The following AKAP13 variants were observed in gnomAD, a reference collection of about 807,000 sequenced individuals.
AKAP13 encodes the protein A-kinase anchor protein 13.
Under a neutral mutation model 264.5 loss-of-function variants are expected in AKAP13, and 80 were observed. The ratio of observed to expected loss-of-function variants is 0.30; its 90% CI spans 0.25 to 0.36. The LOEUF (loss-of-function observed/expected upper bound fraction) is 0.36. Among genes scored for constraint, AKAP13 ranks in the 10% least tolerant of loss-of-function variants. The pLI is 1.00. For missense variants in AKAP13, 3,712 were observed against 3,435.2 expected (o/e 1.08, Z -2.01); for synonymous variants, 1,380 against 1,250.2 (o/e 1.10, Z -2.19).
intron 12 of AKAP13, among the ~76,000 whole-genome samples, chr15:85,660,221 C>T (rs1190543769): frequency 6.6e-6 from 1 of 151,944 alleles, no homozygotes; most frequent in African/African-American, 2.4e-5. Context: ...GGTGTGGTGG[C>T]ATGCACCTGT....
intron 1 of AKAP13, among the ~76,000 whole-genome samples, chr15:85,400,064 G>T (rs1053310626): frequency 6.6e-6 from 1 of 152,148 alleles, no homozygotes; most frequent in Admixed American, 6.5e-5. Context: ...TTCCCAAAGT[G>T]CTGGGATTAC....
chr15:85,402,587 C>G (rs556976584), intron 1 of AKAP13, among the ~76,000 whole-genome samples: 6 of 152,236 alleles, frequency 3.9e-5, no homozygotes, highest in Admixed American at 6.5e-5. Flanking sequence ...TTTAGCTCTC[C>G]GGGAGCTTGG....
chr15:85,590,601 T>A (rs949445819), intron 8 of AKAP13, among the ~76,000 whole-genome samples: 6 of 152,382 alleles, frequency 3.9e-5, no homozygotes, highest in Non-Finnish European at 5.9e-5. Flanking sequence ...TGCTGCAGAT[T>A]TCTTGATAGT....
At chr15:85,448,015 C>G (rs1302221422) in intron 1 of AKAP13, among the ~76,000 whole-genome samples, 1 of 152,170 alleles carries the variant, frequency 6.6e-6, no homozygotes, top group Non-Finnish European at 1.5e-5. Flanking sequence ...CTTTTCCCTG[C>G]AACCTTGCCA....
chr15:85,627,185 C>G (rs2081448450), intron 8 of AKAP13, among the ~76,000 whole-genome samples: 1 of 152,158 alleles, frequency 6.6e-6, no homozygotes, highest in Non-Finnish European at 1.5e-5. Context: ...ACAAATGAAG[C>G]TAGCGCCAGC....
At chr15:85,734,033 G>T (rs1323302273) in intron 30 of AKAP13, among the ~76,000 whole-genome samples, 2 of 151,424 alleles carry the variant, frequency 1.3e-5, no homozygotes, top group Non-Finnish European at 2.9e-5. Flanking sequence ...GTAAAGACGG[G>T]GTTTCTCCAT....
chr15:85,524,746 G>T (rs2076958918), intron 3 of AKAP13, among the ~76,000 whole-genome samples: 1 of 151,954 alleles, frequency 6.6e-6, no homozygotes, highest in Non-Finnish European at 1.5e-5. Flanking sequence ...TATTGAAATT[G>T]CAGGCCCATC....
chr15:85,408,154 A>G (rs8037726), intron 1 of AKAP13, among the ~76,000 whole-genome samples: 116,904 of 151,468 alleles, frequency 0.77, 45,716 homozygotes, highest in African/African-American at 0.8. Context: ...TAATGTTTAC[A>G]TTTGGCTTAG....
At chr15:85,538,581 C>G (rs1272406282) in intron 4 of AKAP13, among the ~76,000 whole-genome samples, 1 of 150,850 alleles carries the variant, frequency 6.6e-6, no homozygotes, top group African/African-American at 2.4e-5. Flanking sequence ...GCTCCGCCTC[C>G]CAGGTTCATG....
chr15:85,468,271 G>A (rs987750346), intron 1 of AKAP13, among the ~76,000 whole-genome samples: 19 of 152,244 alleles, frequency 1.2e-4, no homozygotes, highest in African/African-American at 4.1e-4. Flanking sequence ...TCTTATGGTT[G>A]ATGCCCCTTT....
At chr15:85,619,481 A>T (rs2081081170) in intron 8 of AKAP13, 1 of 985,192 alleles carries the variant, frequency 1.0e-6, no homozygotes, top group African/African-American at 1.7e-5. Flanking sequence ...GATTCCAAAG[A>T]CTTTACTTTG....
At chr15:85,737,195 C>T (rs953412561) in intron 33 of AKAP13, among the ~76,000 whole-genome samples, 1 of 152,184 alleles carries the variant, frequency 6.6e-6, no homozygotes, top group African/African-American at 2.4e-5. Context: ...GCTGGGATTA[C>T]AGGCATGAGC....
At position 85,408,546 on chromosome 15, in the gene AKAP13, C is replaced by G. The variant is rs75606902; in HGVS notation, c.-12+27748C>G. ...TCCTGTTTCTATGGATTTGACTATT[C>G]TGGGTACTATATGTAAATGATACCA... is the stretch of plus-strand genomic sequence containing the variant. On this transcript the variant is annotated intron_variant, in intron 1 of 36. Transcript: ENST00000394518. Among the ~76,000 whole-genome samples, 48 of 151,872 alleles carry G rather than the reference C, an allele frequency of 3.2e-4. No homozygotes were observed. In the East Asian group the frequency reaches 7.7e-3, roughly 24 times the overall value.
In AKAP13 at chr15:85,417,617, T is replaced by C. The variant is rs547104500; in HGVS notation, c.-12+36819T>C. Reference sequence around the variant, plus strand: ...ATTGATAAACTTTGTGAGATACTTATTTGAGAGCAAAGTTTGAAATCTTTC... The same window carrying C: ...ATTGATAAACTTTGTGAGATACTTACTTGAGAGCAAAGTTTGAAATCTTTC... On this transcript the variant is annotated intron_variant, in intron 1 of 36. Coordinates refer to ENST00000394518, the MANE Select transcript of AKAP13 (RefSeq NM_007200.5). 3.7e-4 allele frequency among the ~76,000 whole-genome samples: 56 copies of C among 152,322 alleles called. 1 individual carries two copies. The highest frequency in any genetic ancestry group is 1.0e-3 in the African/African-American group (42 of 41,566).
At chr15:85,391,107 CA>C (rs2070833490) in intron 1 of AKAP13, among the ~76,000 whole-genome samples, 1 of 152,108 alleles carries the variant, frequency 6.6e-6, no homozygotes, top group African/African-American at 2.4e-5. Flanking sequence ...ATAATCATGA[CA>C]GTCATAAAAC....
intron 4 of AKAP13, chr15:85,534,926 A>G (rs570893522): frequency 4.6e-5 from 7 of 152,294 alleles, no homozygotes; most frequent in South Asian, 2.1e-4. Flanking sequence ...TTCAAGTCCA[A>G]TTGAACGATT....
At chr15:85,563,015 C>T (rs565629576) in intron 5 of AKAP13, among the ~76,000 whole-genome samples, 2 of 151,968 alleles carry the variant, frequency 1.3e-5, no homozygotes, top group Non-Finnish European at 2.9e-5. Context: ...CACCTGGCCC[C>T]CACTTTTCTT....
At chr15:85,464,504 T>C (rs1233376262) in intron 1 of AKAP13, among the ~76,000 whole-genome samples, 1 of 152,238 alleles carries the variant, frequency 6.6e-6, no homozygotes, top group African/African-American at 2.4e-5. Context: ...GATTTCATTT[T>C]GGTTTTATCA....
intron 23 of AKAP13, among the ~76,000 whole-genome samples, chr15:85,720,490 A>G (rs1453914142): frequency 6.6e-6 from 1 of 152,224 alleles, no homozygotes; most frequent in Non-Finnish European, 1.5e-5. Context: ...TGGTACTTGT[A>G]GATGTGATTG....
Sources: allele counts gnomAD v4.1 joint callset (sites outside exome capture counted in the v4.1 genomes callset), GRCh38; gene constraint gnomAD v4.1.1; transcripts MANE v1.5; gene names NCBI Gene and HGNC (gene_info 2026-07-23, HGNC 2026-07-21).